The following NALF1 variants were observed in gnomAD, a reference collection of about 807,000 sequenced individuals.
NALF1 encodes NALCN channel auxiliary factor 1.
NALF1 carries 3 observed loss-of-function variants against 48.4 expected under a neutral mutation model. The ratio of observed to expected loss-of-function variants is 0.06; its 90% confidence interval spans 0.03 to 0.16. The LOEUF is 0.16. NALF1 is among the 10% of genes least tolerant of loss of function. The pLI is 1.00. For missense variants in NALF1, 526 were observed against 571.5 expected, an observed-to-expected ratio of 0.92 and a Z score of 0.81; for synonymous variants, 262 against 245.7, an observed-to-expected ratio of 1.07 and a Z score of -0.62.
chr13:107,255,126 A>G (rs1454042634), intron 1 of NALF1, among the ~76,000 whole-genome samples: 1 of 152,194 alleles, frequency 6.6e-6, no homozygotes, highest in Non-Finnish European at 1.5e-5. Context: ...CATTTCACTT[A>G]CAGACCTGCC....
At chr13:107,206,578 T>G (rs2138800330) in intron 2 of NALF1, among the ~76,000 whole-genome samples, 1 of 152,352 alleles carries the variant, frequency 6.6e-6, no homozygotes, top group East Asian at 1.9e-4. Flanking sequence ...CCTGATCATT[T>G]ACAGAAATTG....
chr13:107,571,631 T>C (rs1302962512), intron 1 of NALF1, among the ~76,000 whole-genome samples: 1 of 152,194 alleles, frequency 6.6e-6, no homozygotes, highest in African/African-American at 2.4e-5. Flanking sequence ...AGCAATTTAT[T>C]GAACTGAAGA....
intron 1 of NALF1, among the ~76,000 whole-genome samples, chr13:107,271,814 A>ATATATATATTTATTTATTTATT (rs1374366280): frequency 9.7e-6 from 1 of 102,596 alleles, no homozygotes; most frequent in African/African-American, 4.9e-5. Context: ...ATATATATAT[A>ATATATATATTTATTTATTTATT]TATTTATATA....
chr13:107,537,743 C>G (rs1876875264), intron 1 of NALF1, among the ~76,000 whole-genome samples: 1 of 152,082 alleles, frequency 6.6e-6, no homozygotes, highest in Non-Finnish European at 1.5e-5. Context: ...TTCAGATGGG[C>G]ATGGTGGCTC....
At chr13:107,477,389 T>G (rs1246318379) in intron 1 of NALF1, among the ~76,000 whole-genome samples, 1 of 152,086 alleles carries the variant, frequency 6.6e-6, no homozygotes. Flanking sequence ...GACCCTCACC[T>G]CTAGGAGTCC....
At chr13:107,650,171 T>C (rs557358063) in intron 1 of NALF1, among the ~76,000 whole-genome samples, 1 of 152,110 alleles carries the variant, frequency 6.6e-6, no homozygotes, top group Admixed American at 6.5e-5. Context: ...ATAGTTTCGA[T>C]TTATCTGATA....
chr13:107,611,029 C>G (rs1411143242), intron 1 of NALF1, among the ~76,000 whole-genome samples: 1 of 152,146 alleles, frequency 6.6e-6, no homozygotes, highest in African/African-American at 2.4e-5. Context: ...ACAGGGAAAA[C>G]GGAGCACTCT....
At chr13:107,861,758 G>C (rs1880575886) in intron 1 of NALF1, among the ~76,000 whole-genome samples, 1 of 152,240 alleles carries the variant, frequency 6.6e-6, no homozygotes, top group African/African-American at 2.4e-5. Flanking sequence ...ACTCCAGCCT[G>C]GGCGACAGAG....
intron 1 of NALF1, among the ~76,000 whole-genome samples, chr13:107,444,520 A>C (rs1485519853): frequency 1.3e-5 from 2 of 152,168 alleles, no homozygotes; most frequent in Non-Finnish European, 2.9e-5. Flanking sequence ...AATAATGCAA[A>C]AAATCTGTTA....
chr13:107,481,337 T>G (rs1885251059), intron 1 of NALF1, among the ~76,000 whole-genome samples: 1 of 152,118 alleles, frequency 6.6e-6, no homozygotes, highest in South Asian at 2.1e-4. Flanking sequence ...CTTGAAACAG[T>G]TTGCTAACGA....
rs2806518 is a variant in NALF1, at chr13:107,164,076, A to G, written c.*6421T>C. The stretch of plus-strand genomic sequence containing the variant: ...CTTCTACTTGGCTAGCACGCCAATA[A>G]CTGGAATCTTGAAGCAGCAGTGCTG... On this transcript the variant is annotated 3_prime_UTR_variant, in exon 3 of 3. Transcript: ENST00000375915. The G allele has an allele frequency of 0.54, 82,400 of 152,062 alleles. 23,129 individuals are homozygous for G. The highest frequency in any genetic ancestry group is 0.63 in the East Asian group (3,235 of 5,158). The allele number at this position is 152,062 out of a possible 1,614,324, so 9.4% of individuals were successfully genotyped here.
chr13:107,539,060 CAT>C (rs1204769517), intron 1 of NALF1, among the ~76,000 whole-genome samples: 1 of 150,052 alleles, frequency 6.7e-6, no homozygotes, highest in Non-Finnish European at 1.5e-5. Context: ...AAACAACACA[CAT>C]GTGAACTTCT....
At chr13:107,573,053 T>C (rs1229617780) in intron 1 of NALF1, among the ~76,000 whole-genome samples, 1 of 152,108 alleles carries the variant, frequency 6.6e-6, no homozygotes, top group Admixed American at 6.5e-5. Flanking sequence ...CTTGCTCTTC[T>C]TCAAACACAC....
At position 107,538,931 on chromosome 13, in the gene NALF1, C is replaced by T. The variant is rs115154048; in HGVS notation, c.915+326751G>A. Among the ~76,000 whole-genome samples, 1,169 of 152,160 alleles carry T rather than the reference C, an allele frequency of 7.7e-3. 16 individuals carry two copies. Among genetic ancestry groups the T allele is most frequent in the African/African-American group, 0.027 (1,107 of 41,512 alleles). ...AATTACTTAATAAATAGTACCCATTCTTATTATAATTATGATCATCCATCC... is the reference window on the plus strand; with the variant it reads ...AATTACTTAATAAATAGTACCCATTTTTATTATAATTATGATCATCCATCC... On this transcript the variant is annotated intron_variant, in intron 1 of 2. Coordinates refer to ENST00000375915, the MANE Select transcript of NALF1 (RefSeq NM_001080396.3).
chr13:107,708,957 T>C (rs1385172896), intron 1 of NALF1, among the ~76,000 whole-genome samples: 2 of 152,208 alleles, frequency 1.3e-5, no homozygotes, highest in African/African-American at 4.8e-5. Context: ...CATTTATGTT[T>C]ACCAGAAATG....
intron 1 of NALF1, among the ~76,000 whole-genome samples, chr13:107,546,448 G>A (rs1262736834): frequency 6.6e-6 from 1 of 152,156 alleles, no homozygotes; most frequent in African/African-American, 2.4e-5. Context: ...AATGGGCTGA[G>A]TTATTTCATT....
chr13:107,343,896 A>G (rs1882727111), intron 1 of NALF1, among the ~76,000 whole-genome samples: 1 of 152,060 alleles, frequency 6.6e-6, no homozygotes, highest in Non-Finnish European at 1.5e-5. Flanking sequence ...AAACAAGAAG[A>G]AAAAAAATTA....
chr13:107,613,480 A>G (rs1879295563), intron 1 of NALF1, among the ~76,000 whole-genome samples: 1 of 152,214 alleles, frequency 6.6e-6, no homozygotes, highest in African/African-American at 2.4e-5. Flanking sequence ...TCAATGGAAT[A>G]TAACAACCAA....
rs534192553 is a variant in NALF1, at chr13:107,673,860, G to A, written c.915+191822C>T. 7.3e-5 allele frequency among the ~76,000 whole-genome samples: 11 copies of A among 150,252 alleles called. No homozygotes were observed. In the South Asian group the frequency reaches 1.1e-3, roughly 15 times the overall value. ...TAATGAAGAAGAAAATGAGGTGAGG[G>A]TCACAGAAGACGTCATTCAGTTGTA... On this transcript the variant is annotated intron_variant, in intron 1 of 2. Transcript: ENST00000375915.
Sources: gnomAD v4.1 joint callset for allele counts (sites outside exome capture counted in the v4.1 genomes callset) on GRCh38, gnomAD v4.1.1 for gene constraint, MANE v1.5 for transcripts, NCBI Gene and HGNC (gene_info 2026-07-23, HGNC 2026-07-21) for gene names.